INPP5A: variants seen among roughly 807,000 people sequenced by gnomAD.
INPP5A encodes the protein inositol polyphosphate-5-phosphatase A.
INPP5A carries 14 observed loss-of-function variants against 65.2 expected under a neutral mutation model. That is an observed-to-expected ratio of 0.21 (90% CI 0.14 to 0.34). The LOEUF (loss-of-function observed/expected upper bound fraction) is 0.34, where lower values mean the gene tolerates loss of function less well. Ranked by LOEUF, INPP5A falls within the 10% of genes least tolerant of loss-of-function variation. INPP5A has a pLI of 1.00. For missense variants in INPP5A, 431 were observed against 545.6 expected (o/e 0.79, Z 2.09); for synonymous variants, 207 against 208.3 (o/e 0.99, Z 0.05).
At chr10:132,652,678 C>T (rs570215642) in intron 4 of INPP5A, among the ~76,000 whole-genome samples, 71 of 152,308 alleles carry the variant, frequency 4.7e-4, no homozygotes, top group African/African-American at 1.6e-3. Flanking sequence ...CTCTTTCCAG[C>T]TTCCTTTAGA....
intron 2 of INPP5A, among the ~76,000 whole-genome samples, chr10:132,632,145 G>GCTGTCCGACACTGTGGCGTGGCCTTTC (rs2072283875): frequency 1.3e-5 from 2 of 152,254 alleles, no homozygotes; most frequent in Non-Finnish European, 2.9e-5. Flanking sequence ...ACCCAAGCGT[G>GCTGTCCGACACTGTGGCGTGGCCTTTC]CTGTCCGACA....
At chr10:132,609,122 G>A (rs891066719) in intron 2 of INPP5A, among the ~76,000 whole-genome samples, 12 of 152,250 alleles carry the variant, frequency 7.9e-5, no homozygotes, top group Non-Finnish European at 4.4e-5. Flanking sequence ...TGGTGAGGAA[G>A]CCATTGTTCT....
chr10:132,615,638 C>T (rs982911356), intron 2 of INPP5A, among the ~76,000 whole-genome samples: 4 of 152,224 alleles, frequency 2.6e-5, no homozygotes, highest in Non-Finnish European at 5.9e-5. Flanking sequence ...AGCAGCTGGG[C>T]AGGCCCCTTT....
rs191667830 is a variant in INPP5A at position 132,614,214 on chromosome 10, C to T, written c.117+6258C>T. The stretch of plus-strand genomic sequence containing the variant: ...GGCACGATGGCTCATGCCTGCAATC[C>T]CAGCACTTTGGGAGGCCGAAGCGGG... On this transcript the variant is annotated intron_variant, in intron 2 of 15. Transcript: ENST00000368594. Among the ~76,000 whole-genome samples, 44 of 152,320 alleles carry T rather than the reference C, an allele frequency of 2.9e-4. 1 individual carries two copies. The East Asian group carries it at 8.5e-3, about 29-fold the overall frequency.
chr10:132,610,515 G>C (rs2071929847), intron 2 of INPP5A, among the ~76,000 whole-genome samples: 1 of 152,260 alleles, frequency 6.6e-6, no homozygotes, highest in Non-Finnish European at 1.5e-5. Flanking sequence ...TGAGCACAGA[G>C]AGCTGCAAAA....
At chr10:132,745,135 G>GGAGGGC (rs930035674) in intron 9 of INPP5A, among the ~76,000 whole-genome samples, 9 of 152,212 alleles carry the variant, frequency 5.9e-5, no homozygotes, top group Non-Finnish European at 1.2e-4. Context: ...TGACGTGGTG[G>GGAGGGC]GAGGGCGCTA....
chr10:132,682,460 A>G (rs1334732657), intron 4 of INPP5A, among the ~76,000 whole-genome samples: 1 of 152,290 alleles, frequency 6.6e-6, no homozygotes, highest in Admixed American at 6.5e-5. Flanking sequence ...TGCTAGTATA[A>G]TGAAGATGCA....
Position 132,777,758 on chromosome 10 carries a change from G to A in INPP5A, c.1065G>A (p.Pro355=), listed in dbSNP as rs752158383. ...GGTGTGACCGCATCCTCATGTCCCC[G>A]TCTGCCAAGGAGCTGGTGCTGCGGG... is the stretch of plus-strand genomic sequence containing the variant. ...PAWCDRILMS[P]SAKELVLRSE... The change falls in exon 13 of 16, where the codon CCG becomes CCA. Residue 355 remains proline, a synonymous_variant. Coordinates refer to ENST00000368594, the MANE Select transcript of INPP5A (RefSeq NM_005539.5). 198 of 1,612,952 alleles carry A rather than the reference G, an allele frequency of 1.2e-4. No homozygotes were observed. The highest frequency in any genetic ancestry group is 1.6e-4 in the Non-Finnish European group (183 of 1,179,976).
chr10:132,590,825 C>T (rs562805083), intron 1 of INPP5A, among the ~76,000 whole-genome samples: 5 of 152,302 alleles, frequency 3.3e-5, no homozygotes, highest in African/African-American at 9.6e-5. Context: ...GGCAGCCTGC[C>T]GTGTGGGTCA....
rs1488826760 is a variant in INPP5A at position 132,575,097 on chromosome 10, GGGTGACA to G, written c.76-32804_76-32798del. 6.6e-6 allele frequency among the ~76,000 whole-genome samples: 1 copy of G among 152,194 alleles called. No homozygotes were observed. Among genetic ancestry groups the G allele is most frequent in the Non-Finnish European group, 1.5e-5 (1 of 68,020 alleles). On this transcript the variant is annotated intron_variant, in intron 1 of 15. Coordinates refer to ENST00000368594, the MANE Select transcript of INPP5A (RefSeq NM_005539.5). The surrounding 1 kb of genome is among the most constrained non-coding windows in gnomAD (Gnocchi z 5.4). ...GAAAACACATGATGCCAGGTCCACA[GGGTGACA>G]GGTGACAGGTGACCCAGCCTTCAGG...
In INPP5A at chr10:132,546,030, C is replaced by CG. The variant is rs1440977083; in HGVS notation, c.75+7864dup. 6.6e-6 allele frequency among the ~76,000 whole-genome samples: 1 copy of CG among 152,162 alleles called. No individual in the cohort carries two copies. Among genetic ancestry groups the CG allele is most frequent in the Non-Finnish European group, 1.5e-5 (1 of 68,032 alleles). On this transcript the variant is annotated intron_variant, in intron 1 of 15. Coordinates refer to ENST00000368594, the MANE Select transcript of INPP5A (RefSeq NM_005539.5). This position sits in a 1 kb window ranked among gnomAD's most constrained non-coding sequence, Gnocchi z 5.7. Reference sequence around the variant, plus strand: ...GCGTCCACCAGGTCCTGCTTGTGTACGGGGGCCGGCAGCACCGTTGTGTTG... The same window carrying CG: ...GCGTCCACCAGGTCCTGCTTGTGTACGGGGGGCCGGCAGCACCGTTGTGTTG...
chr10:132,592,493 G>A (rs1331286757), intron 1 of INPP5A, among the ~76,000 whole-genome samples: 2 of 152,200 alleles, frequency 1.3e-5, no homozygotes, highest in African/African-American at 4.8e-5. Flanking sequence ...TCAGCTCACT[G>A]CAGCCTCCGC....
intron 2 of INPP5A, among the ~76,000 whole-genome samples, chr10:132,642,092 GGA>G (rs2072433313): frequency 6.6e-6 from 1 of 152,228 alleles, no homozygotes; most frequent in Non-Finnish European, 1.5e-5. Context: ...AAGCCATCTG[GGA>G]GTCCAGCGGG....
chr10:132,567,054 C>T (rs1159526068), intron 1 of INPP5A, among the ~76,000 whole-genome samples: 2 of 152,184 alleles, frequency 1.3e-5, no homozygotes, highest in African/African-American at 2.4e-5. Context: ...AACAGAACCC[C>T]TCATGGACGG....
At chr10:132,539,100 A>G (rs2070877993) in intron 1 of INPP5A, among the ~76,000 whole-genome samples, 2 of 151,864 alleles carry the variant, frequency 1.3e-5, no homozygotes, top group Admixed American at 6.6e-5. Context: ...TGAATCCTGA[A>G]TCCTGGTCTT....
Position 132,614,868 on chromosome 10 carries a change from C to T in INPP5A, c.117+6912C>T, listed in dbSNP as rs1390249806. 8.5e-5 allele frequency among the ~76,000 whole-genome samples: 13 copies of T among 152,242 alleles called. No individual in the cohort carries two copies. The East Asian group carries it at 2.3e-3, about 27-fold the overall frequency. On this transcript the variant is annotated intron_variant, in intron 2 of 15. Transcript: ENST00000368594. ...CTACAAGGACACGGCAAGAAGGTGC[C>T]GTCTGTGAAGAGTGGACCCTCCTCG...
chr10:132,749,428 T>G, intron 9 of INPP5A, 89 bp from the exon 10 acceptor site: 1 of 1,203,020 alleles, frequency 8.3e-7, no homozygotes, highest in South Asian at 1.3e-5. Flanking sequence ...GAACCAGCCA[T>G]CCTATCCCAC....
chr10:132,647,104 AT>A (rs112565486), intron 3 of INPP5A, among the ~76,000 whole-genome samples: 4,296 of 145,948 alleles, frequency 0.029, 80 homozygotes, highest in African/African-American at 0.051. Flanking sequence ...AATTTAAGGC[AT>A]TTTTTTTTTC....
intron 4 of INPP5A, among the ~76,000 whole-genome samples, chr10:132,686,194 C>G (rs2073111660): frequency 6.6e-6 from 1 of 152,168 alleles, no homozygotes; most frequent in Non-Finnish European, 1.5e-5. Context: ...TTTCGGTGCC[C>G]CAGGGGCTTG....
Sources: allele counts gnomAD v4.1 joint callset (sites outside exome capture counted in the v4.1 genomes callset), GRCh38; gene constraint gnomAD v4.1.1; non-coding constraint Gnocchi (gnomAD v3.1); transcripts MANE v1.5; gene names NCBI Gene and HGNC (gene_info 2026-07-23, HGNC 2026-07-21).